Variants in ZNF69 observed in about 807,000 individuals in gnomAD.
ZNF69 encodes the protein ZNF3.
A neutral mutation model predicts 50.9 loss-of-function variants in ZNF69; 47 were observed. The ratio of observed to expected loss-of-function variants is 0.92; its 90% CI spans 0.73 to 1.18. ZNF69 has a LOEUF of 1.18. ZNF69 is among the 50% of genes most tolerant of loss of function. ZNF69 has a pLI of 0.00. For missense variants in ZNF69, 717 were observed against 675.1 expected (o/e 1.06, Z -0.69); for synonymous variants, 216 against 223.1 (o/e 0.97, Z 0.29).
the ZNF69 span, among the ~76,000 whole-genome samples, chr19:11,968,702 G>T: frequency 6.6e-6 from 1 of 152,086 alleles, no homozygotes; most frequent in African/African-American, 2.4e-5. Flanking sequence ...AGTTAAGAGG[G>T]AAATTAGTGT....
At chr19:11,914,727 C>G (rs1020169519), downstream of ZNF69, among the ~76,000 whole-genome samples, 17 of 152,142 alleles carry the variant, frequency 1.1e-4, no homozygotes, top group Non-Finnish European at 1.9e-4. Context: ...TCTTCAGAAA[C>G]GCTTATTTAA....
chr19:11,962,152 TCACA>T, the ZNF69 span, among the ~76,000 whole-genome samples: 2 of 151,800 alleles, frequency 1.3e-5, no homozygotes, highest in South Asian at 4.2e-4. Flanking sequence ...GCGTGGTGGC[TCACA>T]CCTGTAATCC....
At chr19:11,910,994 C>T (rs76303166), downstream of ZNF69, among the ~76,000 whole-genome samples, 53 of 152,142 alleles carry the variant, frequency 3.5e-4, no homozygotes, top group African/African-American at 9.9e-4. Flanking sequence ...CAAACAACCC[C>T]GTCAAAAAGT....
At chr19:11,946,381 A>G in the ZNF69 span, among the ~76,000 whole-genome samples, 1 of 151,926 alleles carries the variant, frequency 6.6e-6, no homozygotes, top group Admixed American at 6.6e-5. Context: ...TTGCTGTGCC[A>G]TTTCCTGCCA....
downstream of ZNF69, among the ~76,000 whole-genome samples, chr19:11,915,360 C>A (rs1219862887): frequency 6.6e-6 from 1 of 152,228 alleles, no homozygotes; most frequent in African/African-American, 2.4e-5. Context: ...GATGCAAGCA[C>A]AGTGTTGGAA....
At chr19:11,947,816 T>G in the ZNF69 span, among the ~76,000 whole-genome samples, 1 of 152,156 alleles carries the variant, frequency 6.6e-6, no homozygotes, top group Non-Finnish European at 1.5e-5. Flanking sequence ...GAACAGCCTG[T>G]GCAACATAAC....
the ZNF69 span, among the ~76,000 whole-genome samples, chr19:11,931,411 C>T: frequency 6.7e-6 from 1 of 148,274 alleles, no homozygotes; most frequent in South Asian, 2.1e-4. Flanking sequence ...CCTATGCTCT[C>T]ATCTAATCCT....
At chr19:11,948,904 C>T in the ZNF69 span, 1 of 1,605,926 alleles carries the variant, frequency 6.2e-7, no homozygotes, top group Non-Finnish European at 8.5e-7. Flanking sequence ...TAGTTCCTAT[C>T]ATAGACATGA....
intron 3 of ZNF69, among the ~76,000 whole-genome samples, chr19:11,904,185 C>G (rs778123797): frequency 1.3e-5 from 2 of 152,112 alleles, no homozygotes; most frequent in Admixed American, 6.6e-5. Flanking sequence ...TTGAGGCCAG[C>G]AGTTCAAGAA....
chr19:11,978,755 C>G, the ZNF69 span: 1 of 1,613,748 alleles, frequency 6.2e-7, no homozygotes. Context: ...ATAAAAGAAC[C>G]CACACTGGGG....
At chr19:11,941,560 A>G in the ZNF69 span, among the ~76,000 whole-genome samples, 1 of 152,188 alleles carries the variant, frequency 6.6e-6, no homozygotes, top group Non-Finnish European at 1.5e-5. Flanking sequence ...CTCATTGCCC[A>G]GGGCCAGCAG....
chr19:11,902,519 T>C (rs1397354875), intron 1 of ZNF69, among the ~76,000 whole-genome samples: 3 of 151,870 alleles, frequency 2.0e-5, no homozygotes, highest in African/African-American at 7.3e-5. Context: ...ATGTCCCCTT[T>C]GCCCTGTCAG....
the ZNF69 span, among the ~76,000 whole-genome samples, chr19:11,931,010 A>AG: frequency 6.8e-6 from 1 of 147,850 alleles, no homozygotes; most frequent in East Asian, 1.9e-4. Context: ...AAAAAAAAAA[A>AG]AAACAACATA....
the ZNF69 span, among the ~76,000 whole-genome samples, chr19:11,943,888 G>A: frequency 6.6e-6 from 1 of 152,188 alleles, no homozygotes; most frequent in Non-Finnish European, 1.5e-5. Flanking sequence ...AGGTGTGACA[G>A]GAGCAGGGCT....
At chr19:11,907,553 A>G (rs1972397380), downstream of ZNF69, among the ~76,000 whole-genome samples, 1 of 152,204 alleles carries the variant, frequency 6.6e-6, no homozygotes, top group Non-Finnish European at 1.5e-5. Flanking sequence ...TTCAACCCAG[A>G]ATTTCATATC....
chr19:11,978,844 C>G, the ZNF69 span: 732 of 1,614,202 alleles, frequency 4.5e-4, 2 homozygotes, highest in South Asian at 3.2e-3. Flanking sequence ...AGAACTCACA[C>G]TGGGGAGAAG....
intron 4 of ZNF69, among the ~76,000 whole-genome samples, chr19:11,912,201 T>C (rs759152350): frequency 2.6e-5 from 4 of 152,186 alleles, no homozygotes; most frequent in Non-Finnish European, 5.9e-5. Context: ...ACCCTGTGAA[T>C]GTAAGAAATG....
In ZNF69 at chr19:11,904,710, A is replaced by C; in HGVS notation, c.313A>C (p.Thr105Pro). 1 of 1,613,962 alleles carries C rather than the reference A, an allele frequency of 6.2e-7. No homozygotes were observed. Among genetic ancestry groups the C allele is most frequent in the South Asian group, 1.1e-5 (1 of 91,062 alleles). ...KDDSHCGETFTQVPDDRLNFQ... is the reference protein window; with the variant it reads ...KDDSHCGETFPQVPDDRLNFQ... ...TGACAGTCATTGTGGAGAAACTTTT[A>C]CCCAGGTTCCAGATGACAGGCTGAA... Residue 105 changes from threonine (T) to proline (P), a missense_variant, in exon 4 of 4, where the codon ACC (threonine) becomes CCC (proline). Thr to Pro is a conservative substitution (Grantham distance 38, BLOSUM62 -1). Coordinates refer to ENST00000429654, the MANE Select transcript of ZNF69 (RefSeq NM_001364730.1).
chr19:11,947,057 A>G, the ZNF69 span: 1 of 1,439,582 alleles, frequency 6.9e-7, no homozygotes, highest in Non-Finnish European at 9.3e-7. Context: ...AAGGGATCTG[A>G]TAACCGAAGC....
Sources: gnomAD v4.1 joint callset for allele counts (sites outside exome capture counted in the v4.1 genomes callset) on GRCh38, gnomAD v4.1.1 for gene constraint, MANE v1.5 for transcripts, NCBI Gene and HGNC (gene_info 2026-07-23, HGNC 2026-07-21) for gene names.